Variants in TRHDE observed in about 807,000 individuals in gnomAD.
The protein encoded by TRHDE is thyrotropin releasing hormone degrading enzyme.
In TRHDE, 72 loss-of-function variants were observed where a neutral mutation model predicts 125.7. The observed-to-expected ratio is 0.57, with a 90% CI of 0.47 to 0.70. The LOEUF (loss-of-function observed/expected upper bound fraction) is 0.70, where lower values mean the gene tolerates loss of function less well. Ranked by LOEUF, TRHDE falls within the 30% of genes least tolerant of loss-of-function variation. The pLI, the probability that TRHDE is intolerant of heterozygous loss-of-function variation, is 0.00. For synonymous variants in TRHDE, 509 were observed against 509.1 expected (o/e 1.00, Z 0.00); for missense variants, 1,110 against 1,327.1 (o/e 0.84, Z 2.54).
intron 12 of TRHDE, among the ~76,000 whole-genome samples, chr12:72,594,502 G>GTT (rs11446527): frequency 0.13 from 17,917 of 135,878 alleles, 2,958 homozygotes; most frequent in African/African-American, 0.39. Context: ...ACAGATGTGA[G>GTT]TTTTTTTTTT....
upstream of TRHDE, among the ~76,000 whole-genome samples, chr12:72,268,036 C>G (rs1485255787): frequency 6.6e-6 from 1 of 152,118 alleles, no homozygotes; most frequent in Non-Finnish European, 1.5e-5. Context: ...ATAAACTTTG[C>G]AGTAATGTTA....
At chr12:72,596,829 A>G (rs1465206438) in intron 12 of TRHDE, among the ~76,000 whole-genome samples, 1 of 152,156 alleles carries the variant, frequency 6.6e-6, no homozygotes, top group Admixed American at 6.5e-5. Context: ...ATGAATGTAG[A>G]AGAAGGAGGA....
chr12:72,491,750 T>C (rs1206429891), intron 5 of TRHDE, among the ~76,000 whole-genome samples: 1 of 152,068 alleles, frequency 6.6e-6, no homozygotes, highest in African/African-American at 2.4e-5. Context: ...TCTTATAAAA[T>C]ATAATCGCTT....
At chr12:72,573,555 G>A (rs1465546365) in intron 10 of TRHDE, among the ~76,000 whole-genome samples, 1 of 151,892 alleles carries the variant, frequency 6.6e-6, no homozygotes, top group Non-Finnish European at 1.5e-5. Context: ...CAGGTTACAA[G>A]TAAGGAAATT....
chr12:72,162,107 A>G (rs1876651402), intron 2 of TRHDE, among the ~76,000 whole-genome samples: 2 of 152,222 alleles, frequency 1.3e-5, no homozygotes, highest in South Asian at 4.1e-4. Context: ...TGTTAGGCCT[A>G]TCACTGTGAT....
At chr12:72,608,766 A>G (rs1019996791) in intron 12 of TRHDE, among the ~76,000 whole-genome samples, 1 of 152,158 alleles carries the variant, frequency 6.6e-6, no homozygotes, top group African/African-American at 2.4e-5. Flanking sequence ...TATCCCCTAT[A>G]ATTTTCTCCC....
intron 6 of TRHDE, among the ~76,000 whole-genome samples, chr12:72,534,267 T>A (rs997637667): frequency 7.9e-5 from 12 of 152,224 alleles, no homozygotes; most frequent in Non-Finnish European, 1.3e-4. Flanking sequence ...TAGCTAGTGA[T>A]TTAAAATAAT....
intron 3 of TRHDE, among the ~76,000 whole-genome samples, chr12:72,435,656 T>TG (rs142649736): frequency 0.011 from 1,656 of 151,440 alleles, 26 homozygotes; most frequent in African/African-American, 0.038. Context: ...TTTTTTTTTT[T>TG]GTCAGAGTTT....
At chr12:72,338,554 C>T (rs1378153137) in intron 2 of TRHDE, among the ~76,000 whole-genome samples, 1 of 152,152 alleles carries the variant, frequency 6.6e-6, no homozygotes, top group Admixed American at 6.5e-5. Flanking sequence ...GACATCCACT[C>T]ATTATATGAC....
chr12:72,145,188 A>G (rs532793142), intron 2 of TRHDE, among the ~76,000 whole-genome samples: 3 of 152,086 alleles, frequency 2.0e-5, no homozygotes, highest in Non-Finnish European at 4.4e-5. Context: ...GATTTATTGT[A>G]TTTTCTTGAA....
intron 2 of TRHDE, among the ~76,000 whole-genome samples, chr12:72,183,798 G>A (rs1021442081): frequency 7.9e-5 from 12 of 152,048 alleles, no homozygotes; most frequent in African/African-American, 2.9e-4. Context: ...CAAAATGAGA[G>A]AAATAATGAC....
At chr12:72,422,979 C>T (rs1395282032) in intron 3 of TRHDE, among the ~76,000 whole-genome samples, 1 of 152,108 alleles carries the variant, frequency 6.6e-6, no homozygotes, top group Admixed American at 6.6e-5. Flanking sequence ...TTATAAGTTA[C>T]CCAGTCCCAG....
rs920803998 is a variant in TRHDE at position 72,651,481 on chromosome 12, A to T, written c.2676-841A>T. Reference sequence around the variant, plus strand: ...ATTCAAATTATTAATGAGAAATTTGATAATAGATTAGTGAATGTTGAAAAA... The same window carrying T: ...ATTCAAATTATTAATGAGAAATTTGTTAATAGATTAGTGAATGTTGAAAAA... On this transcript the variant is annotated intron_variant, in intron 15 of 18. Coordinates refer to ENST00000261180, the MANE Select transcript of TRHDE (RefSeq NM_013381.3). 2.6e-5 allele frequency among the ~76,000 whole-genome samples: 4 copies of T among 152,088 alleles called. No homozygotes were observed. The South Asian group carries it at 6.2e-4, about 24-fold the overall frequency.
chr12:72,326,472 C>T (rs561900686), intron 2 of TRHDE, among the ~76,000 whole-genome samples: 78 of 152,100 alleles, frequency 5.1e-4, no homozygotes, highest in Non-Finnish European at 9.6e-4. Context: ...ACCTAGATGA[C>T]GGGTTGATAG....
chr12:72,475,016 T>C (rs1876825236), intron 5 of TRHDE, among the ~76,000 whole-genome samples: 1 of 152,188 alleles, frequency 6.6e-6, no homozygotes. Context: ...TTTATGTGCC[T>C]AGGCATTTAT....
At position 72,667,431 on chromosome 12, in the gene TRHDE, C is replaced by CA. The variant is rs1875149233; in HGVS notation, c.*4238dup. ...CATAAGAATATATATTGTATAGATACAATATATAACTATACTTAAAGAAAT... is the reference window on the plus strand; with the variant it reads ...CATAAGAATATATATTGTATAGATACAAATATATAACTATACTTAAAGAAAT... On this transcript the variant is annotated 3_prime_UTR_variant, in exon 19 of 19. Coordinates refer to ENST00000261180, the MANE Select transcript of TRHDE (RefSeq NM_013381.3). 1 of 151,130 alleles carries CA rather than the reference C, an allele frequency of 6.6e-6. No individual in the cohort carries two copies. 9.4% of individuals were successfully genotyped at this position (151,130 alleles called of 1,614,324 possible).
At chr12:72,560,057 C>T (rs1207064484) in intron 7 of TRHDE, among the ~76,000 whole-genome samples, 1 of 152,046 alleles carries the variant, frequency 6.6e-6, no homozygotes, top group African/African-American at 2.4e-5. Context: ...CTTTAAGTTT[C>T]TTTATAATTC....
At chr12:72,309,577 G>A (rs1184509209) in intron 2 of TRHDE, 2 of 152,098 alleles carry the variant, frequency 1.3e-5, no homozygotes, top group Non-Finnish European at 2.9e-5. Flanking sequence ...ACTATACTTG[G>A]AGACAGTTGA....
intron 4 of TRHDE, 103 bp downstream of exon 4, chr12:72,470,015 TA>T: frequency 8.7e-7 from 1 of 1,146,886 alleles, no homozygotes; most frequent in Admixed American, 2.6e-5. Context: ...AAAGAAGTTT[TA>T]ATTTTATATG....
Sources: gnomAD v4.1 joint callset for allele counts (sites outside exome capture counted in the v4.1 genomes callset) on GRCh38, gnomAD v4.1.1 for gene constraint, MANE v1.5 for transcripts, NCBI Gene and HGNC (gene_info 2026-07-23, HGNC 2026-07-21) for gene names.